THSD7A: variants seen among roughly 807,000 people sequenced by gnomAD.
The protein encoded by THSD7A is thrombospondin type-1 domain-containing protein 7A.
Under a neutral mutation model 231.3 loss-of-function variants are expected in THSD7A, and 96 were observed. The observed-to-expected ratio is 0.41, with a 90% confidence interval of 0.35 to 0.49. THSD7A has a LOEUF of 0.49. THSD7A is among the 20% of genes least tolerant of loss of function. THSD7A has a pLI of 0.05. For synonymous variants in THSD7A, 940 were observed against 743.3 expected, an observed-to-expected ratio of 1.26 and a Z score of -4.30; for missense variants, 2,290 against 2,070.2, an observed-to-expected ratio of 1.11 and a Z score of -2.06.
At chr7:11,830,642 C>T (rs571597973) in intron 1 of THSD7A, among the ~76,000 whole-genome samples, 3 of 152,296 alleles carry the variant, frequency 2.0e-5, no homozygotes, top group South Asian at 2.1e-4. Flanking sequence ...AATCTCCTCA[C>T]TAAATTTCTG....
intron 1 of THSD7A, among the ~76,000 whole-genome samples, chr7:11,745,938 G>T (rs1201605957): frequency 1.3e-5 from 2 of 151,910 alleles, no homozygotes; most frequent in Admixed American, 6.6e-5. Context: ...GCTCTTTTTT[G>T]GTTCCATATG....
chr7:11,471,689 A>G (rs1028025684), intron 8 of THSD7A, among the ~76,000 whole-genome samples: 4 of 152,090 alleles, frequency 2.6e-5, no homozygotes, highest in Non-Finnish European at 4.4e-5. Flanking sequence ...ATGACTATTC[A>G]AAGTCACGGA....
rs921900235 is a variant in THSD7A, at chr7:11,717,363, A to G, written c.191-80402T>C. Among the ~76,000 whole-genome samples, 3 of 151,566 alleles carry G rather than the reference A, an allele frequency of 2.0e-5. No individual in the cohort carries two copies. The East Asian group carries it at 5.9e-4, about 30-fold the overall frequency. On this transcript the variant is annotated intron_variant, in intron 1 of 27. Transcript: ENST00000423059. Reference sequence around the variant, plus strand: ...GAACTTCCTCTGCTCCTGTTACAGCACATTTTGTTTCTCTATCCTTCTATT... The same window carrying G: ...GAACTTCCTCTGCTCCTGTTACAGCGCATTTTGTTTCTCTATCCTTCTATT...
intron 17 of THSD7A, among the ~76,000 whole-genome samples, chr7:11,415,635 C>A (rs991253673): frequency 2.0e-5 from 3 of 152,100 alleles, no homozygotes; most frequent in African/African-American, 7.2e-5. Context: ...TTACGGGGTA[C>A]TAACTAAAGT....
At chr7:11,685,062 T>C (rs1448772313) in intron 1 of THSD7A, among the ~76,000 whole-genome samples, 2 of 151,772 alleles carry the variant, frequency 1.3e-5, no homozygotes. Flanking sequence ...GACACAGAAA[T>C]AAATTTGCAC....
In THSD7A at chr7:11,831,993, G is replaced by A; in HGVS notation, c.-47C>T. ...GTCCAGAGCCGTAGCACGCTCGGCA[G>A]GGAATTTTTCTCCGCTCTTGGAACG... On this transcript the variant is annotated 5_prime_UTR_variant, in exon 1 of 28. Transcript: ENST00000423059. The surrounding 1 kb of genome is among the most constrained non-coding windows in gnomAD (Gnocchi z 5.0). 8.4e-7 allele frequency: 1 copy of A among 1,196,098 alleles called. No individual in the cohort carries two copies. Among genetic ancestry groups the A allele is most frequent in the Non-Finnish European group, 1.0e-6 (1 of 959,348 alleles). The allele number at this position is 1,196,098 out of a possible 1,614,324, so 74.1% of individuals were successfully genotyped here.
At chr7:11,575,273 A>T (rs1790842652) in intron 4 of THSD7A, among the ~76,000 whole-genome samples, 1 of 152,176 alleles carries the variant, frequency 6.6e-6, no homozygotes, top group South Asian at 2.1e-4. Flanking sequence ...GCTTTTTTAA[A>T]GAGATGGCGT....
chr7:11,492,943 G>A (rs1214772542), intron 6 of THSD7A, among the ~76,000 whole-genome samples: 3 of 152,026 alleles, frequency 2.0e-5, no homozygotes, highest in Admixed American at 6.6e-5. Flanking sequence ...AGAATCCTAG[G>A]GAGAATGAAA....
chr7:11,710,681 T>C (rs919124389), intron 1 of THSD7A, among the ~76,000 whole-genome samples: 2 of 150,868 alleles, frequency 1.3e-5, no homozygotes, highest in Non-Finnish European at 3.0e-5. Flanking sequence ...CAAAATGCTC[T>C]GAGGAAGAGA....
At chr7:11,714,107 G>A (rs1303449144) in intron 1 of THSD7A, among the ~76,000 whole-genome samples, 1 of 151,128 alleles carries the variant, frequency 6.6e-6, no homozygotes, top group East Asian at 2.0e-4. Flanking sequence ...AAAAATGTTT[G>A]CAGGAAAACG....
chr7:11,382,096 T>A (rs1782539485), intron 24 of THSD7A, among the ~76,000 whole-genome samples: 1 of 152,156 alleles, frequency 6.6e-6, no homozygotes, highest in Non-Finnish European at 1.5e-5. Flanking sequence ...AGCAAGGTAT[T>A]TGGATTTGTA....
chr7:11,473,974 T>C (rs1786044461), intron 8 of THSD7A, among the ~76,000 whole-genome samples: 1 of 152,138 alleles, frequency 6.6e-6, no homozygotes, highest in South Asian at 2.1e-4. Flanking sequence ...TACGGGTATA[T>C]AGGAGGTCAT....
chr7:11,754,286 T>A (rs896723137), intron 1 of THSD7A, among the ~76,000 whole-genome samples: 1 of 152,038 alleles, frequency 6.6e-6, no homozygotes, highest in Admixed American at 6.6e-5. Flanking sequence ...GTAACGGAAG[T>A]GAGAACTCGA....
At chr7:11,619,668 T>G (rs1392723318) in intron 2 of THSD7A, among the ~76,000 whole-genome samples, 1 of 152,138 alleles carries the variant, frequency 6.6e-6, no homozygotes. Flanking sequence ...GCGATTCTAC[T>G]GCCTCAGCCT....
intron 6 of THSD7A, among the ~76,000 whole-genome samples, chr7:11,518,316 G>T (rs1788119008): frequency 6.6e-6 from 1 of 152,078 alleles, no homozygotes; most frequent in South Asian, 2.1e-4. Flanking sequence ...CTTTTGATTG[G>T]GACTAGGAAG....
intron 1 of THSD7A, among the ~76,000 whole-genome samples, chr7:11,759,297 T>G (rs1434359106): frequency 3.9e-5 from 6 of 152,074 alleles, no homozygotes; most frequent in Admixed American, 2.0e-4. Context: ...AAAATGACCA[T>G]GTAATTTGAA....
At chr7:11,625,176 T>C (rs530271693) in intron 2 of THSD7A, among the ~76,000 whole-genome samples, 3 of 152,260 alleles carry the variant, frequency 2.0e-5, no homozygotes, top group Admixed American at 2.0e-4. Context: ...TTTATGTAGG[T>C]TAGTTTGTGA....
At chr7:11,563,072 T>G (rs1241693840) in intron 4 of THSD7A, among the ~76,000 whole-genome samples, 1 of 152,206 alleles carries the variant, frequency 6.6e-6, no homozygotes, top group Non-Finnish European at 1.5e-5. Flanking sequence ...TCAAATTCAA[T>G]GTTACCAGTG....
intron 6 of THSD7A, among the ~76,000 whole-genome samples, chr7:11,486,151 G>C (rs1302654659): frequency 6.6e-6 from 1 of 152,096 alleles, no homozygotes; most frequent in South Asian, 2.1e-4. Flanking sequence ...TACTTATAAG[G>C]TTAATTGAAT....
Sources: gnomAD v4.1 joint callset for allele counts (sites outside exome capture counted in the v4.1 genomes callset) on GRCh38, gnomAD v4.1.1 for gene constraint, Gnocchi (gnomAD v3.1) non-coding constraint, MANE v1.5 for transcripts, NCBI Gene and HGNC (gene_info 2026-07-23, HGNC 2026-07-21) for gene names.